CAMSAP2: variants seen among roughly 807,000 people sequenced by gnomAD.
CAMSAP2 encodes the protein calmodulin-regulated spectrin-associated protein 2.
In CAMSAP2, 26 loss-of-function variants were observed where a neutral mutation model predicts 146.1. The observed-to-expected ratio is 0.18, with a 90% CI of 0.13 to 0.25. The LOEUF is 0.25. Ranked by LOEUF, CAMSAP2 falls within the 10% of genes least tolerant of loss-of-function variation. The pLI is 1.00. For synonymous variants in CAMSAP2, 499 were observed against 596.6 expected (o/e 0.84, Z 2.38); for missense variants, 1,381 against 1,759.3 (o/e 0.78, Z 3.85).
chr1:200,817,157 T>TAC (rs1211763114), intron 4 of CAMSAP2, among the ~76,000 whole-genome samples: 1 of 95,940 alleles, frequency 1.0e-5, no homozygotes, highest in Admixed American at 1.0e-4. Context: ...CATACACACA[T>TAC]ACACACACGT....
intron 8 of CAMSAP2, among the ~76,000 whole-genome samples, chr1:200,845,256 C>CTTTTT (rs11375893): frequency 2.0e-5 from 3 of 148,154 alleles, no homozygotes; most frequent in Non-Finnish European, 1.5e-5. Context: ...GTTTTTCCTG[C>CTTTTT]TTTTTTTTTT....
chr1:200,764,796 A>C (rs1571729305), intron 2 of CAMSAP2, among the ~76,000 whole-genome samples: 1 of 152,202 alleles, frequency 6.6e-6, no homozygotes, highest in African/African-American at 2.4e-5. Context: ...TCCTTTTAGT[A>C]ATCAATCTTT....
Position 200,849,563 on chromosome 1 carries a change from G to A in CAMSAP2, c.2794G>A (p.Asp932Asn). The A allele has an allele frequency of 6.2e-7, 1 of 1,614,176 alleles. No individual in the cohort carries two copies. The highest frequency in any genetic ancestry group is 8.5e-7 in the Non-Finnish European group (1 of 1,180,028). ...PQPSPQKQIR[D>N]FKPSKQAGLS... ...ACCCTCTCCACAGAAACAGATTCGA[G>A]ATTTTAAGCCTTCTAAGCAGGCAGG... The change falls in exon 11 of 17, where the codon GAT (aspartate) becomes AAT (asparagine). Residue 932 changes from aspartate to asparagine, a missense_variant. By Grantham distance (23) the Asp-to-Asn change is conservative (BLOSUM62 1). Coordinates refer to ENST00000358823, the MANE Select transcript of CAMSAP2 (RefSeq NM_203459.4). This position sits in a 1 kb window ranked among gnomAD's most constrained non-coding sequence, Gnocchi z 6.3.
intron 1 of CAMSAP2, among the ~76,000 whole-genome samples, chr1:200,755,100 T>A (rs955483776): frequency 5.9e-5 from 9 of 152,222 alleles, no homozygotes; most frequent in Non-Finnish European, 1.2e-4. Flanking sequence ...ACAACAAAGA[T>A]GTTCTAAGCA....
chr1:200,834,673 G>A (rs1272372340), intron 6 of CAMSAP2, among the ~76,000 whole-genome samples: 1 of 152,190 alleles, frequency 6.6e-6, no homozygotes, highest in Non-Finnish European at 1.5e-5. Context: ...CAGCACTTTG[G>A]GAGGACAAGG....
intron 2 of CAMSAP2, among the ~76,000 whole-genome samples, chr1:200,792,870 A>G (rs1403806051): frequency 6.6e-6 from 1 of 152,094 alleles, no homozygotes; most frequent in African/African-American, 2.4e-5. Context: ...CCTGGTTGTG[A>G]TATTGTACTA....
chr1:200,753,381 C>T lies in CAMSAP2; in HGVS notation c.140-7458C>T, dbSNP rs148604943. Among the ~76,000 whole-genome samples, 763 of 151,868 alleles carry T rather than the reference C, an allele frequency of 5.0e-3. 10 individuals carry two copies. Among genetic ancestry groups the T allele is most frequent in the African/African-American group, 0.018 (733 of 41,388 alleles). ...GCCCCTTCCTTAGGCATTGTCTTAG[C>T]TCTTGCCAAACTTTTGCCTGTGTGT... On this transcript the variant is annotated intron_variant, in intron 1 of 16. Transcript: ENST00000358823.
At chr1:200,816,605 A>AAT (rs1185236373) in intron 4 of CAMSAP2, among the ~76,000 whole-genome samples, 3,716 of 111,104 alleles carry the variant, frequency 0.033, 242 homozygotes, top group Non-Finnish European at 0.047. Flanking sequence ...AAAAAAAAAA[A>AAT]ATATATATAT....
At chr1:200,804,220 C>T (rs1162533367) in intron 2 of CAMSAP2, among the ~76,000 whole-genome samples, 1 of 152,128 alleles carries the variant, frequency 6.6e-6, no homozygotes, top group Non-Finnish European at 1.5e-5. Flanking sequence ...GCCACCGCGC[C>T]TGGCCAGATG....
intron 4 of CAMSAP2, among the ~76,000 whole-genome samples, chr1:200,823,883 T>A (rs1281421978): frequency 2.0e-5 from 3 of 152,232 alleles, no homozygotes; most frequent in African/African-American, 7.2e-5. Context: ...TTATTTTTTA[T>A]ATTCAATCAT....
chr1:200,827,247 A>G (rs940874603), intron 4 of CAMSAP2, among the ~76,000 whole-genome samples: 3 of 152,222 alleles, frequency 2.0e-5, no homozygotes, highest in African/African-American at 7.2e-5. Flanking sequence ...CAATTATTGC[A>G]TATTTTACAA....
intron 2 of CAMSAP2, among the ~76,000 whole-genome samples, chr1:200,764,003 G>A (rs1203463447): frequency 1.3e-5 from 2 of 152,066 alleles, no homozygotes; most frequent in Non-Finnish European, 2.9e-5. Flanking sequence ...CCTGGGAGGC[G>A]GAGGTTGCAG....
intron 2 of CAMSAP2, among the ~76,000 whole-genome samples, chr1:200,775,336 A>G (rs1485599490): frequency 5.3e-5 from 8 of 152,246 alleles, no homozygotes; most frequent in Admixed American, 5.2e-4. Flanking sequence ...GATCTGGTTG[A>G]GAAAAAGATT....
At chr1:200,826,954 A>G (rs1666921654) in intron 4 of CAMSAP2, among the ~76,000 whole-genome samples, 2 of 152,184 alleles carry the variant, frequency 1.3e-5, no homozygotes, top group African/African-American at 2.4e-5. Flanking sequence ...CAGTTTGCCT[A>G]ATTCTTCCCT....
chr1:200,818,684 C>A (rs1325629780), intron 4 of CAMSAP2, among the ~76,000 whole-genome samples: 1 of 152,162 alleles, frequency 6.6e-6, no homozygotes, highest in Non-Finnish European at 1.5e-5. Context: ...TGTTACCTAA[C>A]AATGGGATTT....
At chr1:200,753,500 G>C (rs1310071986) in intron 1 of CAMSAP2, among the ~76,000 whole-genome samples, 1 of 152,010 alleles carries the variant, frequency 6.6e-6, no homozygotes, top group African/African-American at 2.4e-5. Flanking sequence ...TGGTTTAGCA[G>C]ATGTCCCCCT....
At chr1:200,795,985 G>A (rs753909677) in intron 2 of CAMSAP2, among the ~76,000 whole-genome samples, 6 of 152,138 alleles carry the variant, frequency 3.9e-5, no homozygotes, top group Non-Finnish European at 7.4e-5. Flanking sequence ...AATAAAAATA[G>A]CAGTTTTGTG....
chr1:200,849,053 C>T lies in CAMSAP2; in HGVS notation c.2284C>T (p.Arg762Cys), dbSNP rs775199276. The T allele has an allele frequency of 6.2e-6, 10 of 1,613,846 alleles. No individual in the cohort carries two copies. The highest frequency in any genetic ancestry group is 4.5e-5 in the East Asian group (2 of 44,892). The change falls in exon 11 of 17, where the codon CGT becomes TGT. Residue 762 changes from arginine (R) to cysteine (C), a missense_variant. Physicochemically the swap from Arg to Cys is radical, Grantham distance 180. Around this residue, in one of 4 missense-constraint regions of CAMSAP2, gnomAD observed 560 missense variants for 715.9 expected, o/e 0.78. Coordinates refer to ENST00000358823, the MANE Select transcript of CAMSAP2 (RefSeq NM_203459.4). The surrounding 1 kb of genome is among the most constrained non-coding windows in gnomAD (Gnocchi z 6.3). Reference protein sequence around the residue: ...HLRMKLEEKRRAIEAQKKKME... With the variant: ...HLRMKLEEKRCAIEAQKKKME... ...TAGGATGAAACTAGAAGAAAAGAGGCGTGCTATAGAAGCCCAGAAAAAGAA... is the reference window on the plus strand; with the variant it reads ...TAGGATGAAACTAGAAGAAAAGAGGTGTGCTATAGAAGCCCAGAAAAAGAA...
chr1:200,807,368 A>G lies in CAMSAP2; in HGVS notation c.400-8A>G, dbSNP rs200778331. ...TTTAAACTATTTGTTCTTGTTTTAT[A>G]TTTTCAGAGTGCACATTTGGCCATG... is the stretch of plus-strand genomic sequence containing the variant. On this transcript the variant is annotated splice_region_variant and splice_polypyrimidine_tract_variant and intron_variant, in intron 2 of 16. Coordinates refer to ENST00000358823, the MANE Select transcript of CAMSAP2 (RefSeq NM_203459.4). 6 of 1,483,894 alleles carry G rather than the reference A, an allele frequency of 4.0e-6. No homozygotes were observed. Among genetic ancestry groups the G allele is most frequent in the African/African-American group, 1.4e-5 (1 of 70,556 alleles). 91.9% of individuals were successfully genotyped at this position (1,483,894 alleles called of 1,614,324 possible).
Sources: allele counts gnomAD v4.1 joint callset (sites outside exome capture counted in the v4.1 genomes callset), GRCh38; gene constraint gnomAD v4.1.1; regional missense constraint gnomAD v4.1.1; non-coding constraint Gnocchi (gnomAD v3.1); transcripts MANE v1.5; gene names NCBI Gene and HGNC (gene_info 2026-07-23, HGNC 2026-07-21).